The following SBF2 variants were observed in gnomAD, a reference collection of about 807,000 sequenced individuals.
SBF2 encodes myotubularin-related protein 13.
Under a neutral mutation model 225.2 loss-of-function variants are expected in SBF2, and 112 were observed. The observed-to-expected ratio is 0.50, with a 90% CI of 0.43 to 0.58. SBF2 has a LOEUF of 0.58. Ranked by LOEUF, SBF2 falls within the 20% of genes least tolerant of loss-of-function variation. SBF2 has a pLI of 0.00. For synonymous variants in SBF2, 763 were observed against 773.3 expected (o/e 0.99, Z 0.22); for missense variants, 1,996 against 2,206.2 (o/e 0.90, Z 1.91).
intron 16 of SBF2, among the ~76,000 whole-genome samples, chr11:9,956,123 T>C (rs1204495208): frequency 1.3e-5 from 2 of 152,156 alleles, no homozygotes; most frequent in East Asian, 1.9e-4. Flanking sequence ...TTCTCTGATA[T>C]ATAATATTCT....
intron 3 of SBF2, among the ~76,000 whole-genome samples, chr11:10,032,020 G>A (rs980850424): frequency 6.6e-6 from 1 of 152,184 alleles, no homozygotes; most frequent in Admixed American, 6.5e-5. Context: ...GATTATAGGT[G>A]TGAGCCATCA....
chr11:9,871,826 G>T (rs1200946387), intron 17 of SBF2, among the ~76,000 whole-genome samples: 1 of 152,048 alleles, frequency 6.6e-6, no homozygotes, highest in Non-Finnish European at 1.5e-5. Context: ...AACAACAGAT[G>T]TTGGTGAGGT....
At chr11:10,118,044 AC>A (rs899530604) in intron 2 of SBF2, among the ~76,000 whole-genome samples, 7 of 152,196 alleles carry the variant, frequency 4.6e-5, no homozygotes, top group Non-Finnish European at 7.4e-5. Context: ...TGATCTTATT[AC>A]AAAACAAGTT....
chr11:10,121,928 T>C (rs1953471504), intron 2 of SBF2, among the ~76,000 whole-genome samples: 2 of 152,204 alleles, frequency 1.3e-5, no homozygotes, highest in East Asian at 1.9e-4. Context: ...GTTACTCACT[T>C]AGTACCATCC....
At chr11:9,978,667 G>C in intron 13 of SBF2, among the ~76,000 whole-genome samples, 1 of 152,064 alleles carries the variant, frequency 6.6e-6, no homozygotes, top group East Asian at 1.9e-4. Context: ...TTTTGAGACA[G>C]GGTCTCACTT....
intron 1 of SBF2, among the ~76,000 whole-genome samples, chr11:10,225,773 T>C (rs1455158951): frequency 2.0e-5 from 3 of 152,168 alleles, no homozygotes; most frequent in Non-Finnish European, 4.4e-5. Flanking sequence ...GAACATTTCA[T>C]CATTTTAGAC....
intron 29 of SBF2, among the ~76,000 whole-genome samples, chr11:9,815,100 T>C (rs1854383707): frequency 6.6e-6 from 1 of 151,892 alleles, no homozygotes; most frequent in South Asian, 2.1e-4. Flanking sequence ...ATATATAGAA[T>C]AGCTGACAAC....
intron 13 of SBF2, among the ~76,000 whole-genome samples, chr11:9,979,399 T>TATA (rs1196022328): frequency 1.3e-5 from 2 of 152,196 alleles, no homozygotes; most frequent in Non-Finnish European, 2.9e-5. Context: ...TTATTATTAT[T>TATA]ATAATAGGTC....
At chr11:10,089,277 T>C (rs776367423) in intron 2 of SBF2, among the ~76,000 whole-genome samples, 2 of 152,164 alleles carry the variant, frequency 1.3e-5, no homozygotes, top group East Asian at 1.9e-4. Context: ...ACAGTAAAAA[T>C]GTGACATTAA....
intron 26 of SBF2, chr11:9,837,940 G>C (rs981292348): frequency 6.6e-6 from 1 of 151,716 alleles, no homozygotes; most frequent in African/African-American, 2.4e-5. Flanking sequence ...GTTTCACCAT[G>C]TTGGCCAGGA....
intron 1 of SBF2, among the ~76,000 whole-genome samples, chr11:10,202,662 C>T (rs1001197966): frequency 1.3e-5 from 2 of 152,126 alleles, no homozygotes; most frequent in East Asian, 3.9e-4. Flanking sequence ...GTGGCGGGTG[C>T]CTGCAGTCCC....
At chr11:10,263,198 A>C (rs1961612679) in intron 1 of SBF2, among the ~76,000 whole-genome samples, 1 of 152,076 alleles carries the variant, frequency 6.6e-6, no homozygotes, top group Non-Finnish European at 1.5e-5. Flanking sequence ...AAAAATCAGC[A>C]CAATAAATCA....
chr11:9,829,690 G>A (rs1855271878), intron 27 of SBF2, 194 bp from the exon 28 acceptor site: 1 of 564,146 alleles, frequency 1.8e-6, no homozygotes, highest in East Asian at 3.1e-5. Flanking sequence ...CCACTGTAAT[G>A]CTGGTTTTAC....
intron 2 of SBF2, among the ~76,000 whole-genome samples, chr11:10,121,319 T>G (rs11042636): frequency 0.01 from 1,560 of 152,350 alleles, 19 homozygotes; most frequent in Non-Finnish European, 0.016. Context: ...GACAGCCTGC[T>G]TCTGTCTTTG....
chr11:9,886,802 ATG>A (rs3993331), intron 17 of SBF2, among the ~76,000 whole-genome samples: 1 of 100,646 alleles, frequency 9.9e-6, no homozygotes, highest in Non-Finnish European at 2.5e-5. Flanking sequence ...ATGGGCACAC[ATG>A]TCACAATTTT....
intron 2 of SBF2, among the ~76,000 whole-genome samples, chr11:10,056,553 G>C (rs560751149): frequency 1.2e-4 from 19 of 152,270 alleles, no homozygotes; most frequent in African/African-American, 4.1e-4. Flanking sequence ...GGTTGTTGTT[G>C]GTGTATAGGA....
At chr11:10,227,140 T>C (rs1261008578) in intron 1 of SBF2, among the ~76,000 whole-genome samples, 1 of 152,204 alleles carries the variant, frequency 6.6e-6, no homozygotes, top group Non-Finnish European at 1.5e-5. Context: ...GAAGTGTCTG[T>C]TCATATCCTT....
At chr11:10,033,663 AACACAC>A (rs66939707) in intron 3 of SBF2, among the ~76,000 whole-genome samples, 13 of 149,750 alleles carry the variant, frequency 8.7e-5, no homozygotes, top group East Asian at 5.9e-4. Flanking sequence ...GCTGTGATTA[AACACAC>A]ACACACACAC....
chr11:9,821,843 T>A (rs893173932), intron 28 of SBF2, among the ~76,000 whole-genome samples: 1 of 152,234 alleles, frequency 6.6e-6, no homozygotes, highest in African/African-American at 2.4e-5. Context: ...TGAATGGGTA[T>A]ATATACATAT....
Sources: gnomAD v4.1 joint callset for allele counts (sites outside exome capture counted in the v4.1 genomes callset) on GRCh38, gnomAD v4.1.1 for gene constraint, MANE v1.5 for transcripts, NCBI Gene and HGNC (gene_info 2026-07-23, HGNC 2026-07-21) for gene names.